Variants in SNTB1 observed in about 807,000 individuals in gnomAD.
SNTB1 encodes beta-1-syntrophin.
In SNTB1, 36 loss-of-function variants were observed where a neutral mutation model predicts 48.9. The observed-to-expected ratio is 0.74, with a 90% confidence interval of 0.56 to 0.97. The LOEUF (loss-of-function observed/expected upper bound fraction) is 0.97. SNTB1 is among the 50% of genes least tolerant of loss of function. The pLI is 0.00. For synonymous variants in SNTB1, 299 were observed against 294.6 expected (o/e 1.01, Z -0.15); for missense variants, 786 against 703.4 (o/e 1.12, Z -1.33).
intron 3 of SNTB1, among the ~76,000 whole-genome samples, chr8:120,628,910 G>A (rs1232772877): frequency 6.6e-6 from 1 of 152,148 alleles, no homozygotes; most frequent in Non-Finnish European, 1.5e-5. Context: ...TGTAGTCCCA[G>A]TTACTTGGGA....
intron 3 of SNTB1, among the ~76,000 whole-genome samples, chr8:120,615,066 A>G (rs10091246): frequency 0.81 from 122,122 of 150,724 alleles, 50,495 homozygotes; most frequent in Middle Eastern, 0.9. Flanking sequence ...CAGGGGAATC[A>G]CTTGAGCCCA....
chr8:120,581,515 A>C (rs1816049487), intron 3 of SNTB1, among the ~76,000 whole-genome samples: 2 of 152,092 alleles, frequency 1.3e-5, no homozygotes, highest in Non-Finnish European at 2.9e-5. Context: ...GAGGCATGAG[A>C]ATCGCTTGAA....
At chr8:120,731,344 C>T (rs911362240) in intron 1 of SNTB1, among the ~76,000 whole-genome samples, 9 of 152,106 alleles carry the variant, frequency 5.9e-5, no homozygotes, top group African/African-American at 2.2e-4. Flanking sequence ...TATACAACCA[C>T]AATATACAGG....
intron 2 of SNTB1, among the ~76,000 whole-genome samples, chr8:120,691,892 T>C (rs1055651424): frequency 2.0e-5 from 3 of 152,236 alleles, no homozygotes; most frequent in South Asian, 2.1e-4. Flanking sequence ...CATCAGATCA[T>C]TGGGAGATGG....
chr8:120,542,294 C>T (rs1313841888), intron 5 of SNTB1, among the ~76,000 whole-genome samples: 2 of 152,216 alleles, frequency 1.3e-5, no homozygotes. Context: ...ACACACAGCT[C>T]TATAGGTGTA....
intron 3 of SNTB1, among the ~76,000 whole-genome samples, chr8:120,601,924 C>A (rs1185997680): frequency 1.3e-5 from 2 of 152,200 alleles, no homozygotes; most frequent in Non-Finnish European, 2.9e-5. Flanking sequence ...AAGGTGAGAG[C>A]CACATAGCCA....
intron 1 of SNTB1, among the ~76,000 whole-genome samples, chr8:120,763,346 C>A (rs1563594050): frequency 6.6e-6 from 1 of 152,126 alleles, no homozygotes; most frequent in Admixed American, 6.5e-5. Flanking sequence ...AAAACTACAA[C>A]AAGGGGTTGA....
chr8:120,790,994 C>G (rs1372918775), intron 1 of SNTB1, among the ~76,000 whole-genome samples: 1 of 151,650 alleles, frequency 6.6e-6, no homozygotes, highest in Non-Finnish European at 1.5e-5. Flanking sequence ...TCAAATTATA[C>G]TACTATAGTA....
chr8:120,587,703 C>G (rs530783984), intron 3 of SNTB1, among the ~76,000 whole-genome samples: 6 of 152,230 alleles, frequency 3.9e-5, no homozygotes, highest in Non-Finnish European at 8.8e-5. Flanking sequence ...TGCTCTCTCA[C>G]GGACCTTCTT....
chr8:120,590,685 C>CTTT (rs1255676747), intron 3 of SNTB1, among the ~76,000 whole-genome samples: 1 of 99,928 alleles, frequency 1.0e-5, no homozygotes. Context: ...CTTTTCTTTT[C>CTTT]TTTTTTTTTT....
At chr8:120,764,512 G>A (rs1354019692) in intron 1 of SNTB1, among the ~76,000 whole-genome samples, 1 of 152,140 alleles carries the variant, frequency 6.6e-6, no homozygotes, top group Non-Finnish European at 1.5e-5. Context: ...CAAGGGTGAA[G>A]AAAAAATTAC....
chr8:120,574,825 C>T (rs953607336), intron 4 of SNTB1, among the ~76,000 whole-genome samples: 21 of 152,110 alleles, frequency 1.4e-4, no homozygotes, highest in Admixed American at 5.9e-4. Context: ...CCCAGGAAGG[C>T]GGCTAGATGA....
At chr8:120,750,672 T>G (rs1367177478) in intron 1 of SNTB1, among the ~76,000 whole-genome samples, 1 of 151,662 alleles carries the variant, frequency 6.6e-6, no homozygotes, top group Non-Finnish European at 1.5e-5. Context: ...TCTGGCCTTC[T>G]GTTTAAATGA....
intron 1 of SNTB1, among the ~76,000 whole-genome samples, chr8:120,793,159 G>A (rs1267756326): frequency 6.6e-6 from 1 of 151,976 alleles, no homozygotes; most frequent in African/African-American, 2.4e-5. Flanking sequence ...CAGGATTTCT[G>A]AAGCAATACC....
At chr8:120,575,314 C>T in intron 3 of SNTB1, 89 bp from the exon 4 acceptor site, 1 of 1,444,474 alleles carries the variant, frequency 6.9e-7, no homozygotes, top group Non-Finnish European at 9.6e-7. Flanking sequence ...GAGGACTCAG[C>T]AATACATTGA....
chr8:120,634,783 A>C (rs571972944), intron 2 of SNTB1, among the ~76,000 whole-genome samples: 3 of 152,208 alleles, frequency 2.0e-5, no homozygotes, highest in Non-Finnish European at 4.4e-5. Context: ...CACAAGCATT[A>C]AGTTGTAGAA....
intron 1 of SNTB1, among the ~76,000 whole-genome samples, chr8:120,695,475 G>A (rs886876933): frequency 6.6e-6 from 1 of 152,196 alleles, no homozygotes; most frequent in Non-Finnish European, 1.5e-5. Flanking sequence ...CTAAGCTCAG[G>A]AGGCTGCAAA....
intron 1 of SNTB1, among the ~76,000 whole-genome samples, chr8:120,795,754 A>G (rs1293215965): frequency 6.6e-6 from 1 of 151,936 alleles, no homozygotes; most frequent in Non-Finnish European, 1.5e-5. Flanking sequence ...CCTTCTGAAG[A>G]CTGTGAGGGA....
intron 1 of SNTB1, among the ~76,000 whole-genome samples, chr8:120,726,885 T>TAATA (rs1818764509): frequency 6.6e-6 from 1 of 152,236 alleles, no homozygotes; most frequent in Non-Finnish European, 1.5e-5. Context: ...TTACTAGCAC[T>TAATA]AATAGTCTAG....
Sources: allele counts gnomAD v4.1 joint callset (sites outside exome capture counted in the v4.1 genomes callset), GRCh38; gene constraint gnomAD v4.1.1; transcripts MANE v1.5; gene names NCBI Gene and HGNC (gene_info 2026-07-23, HGNC 2026-07-21).